BRSK2: variants seen among roughly 807,000 people sequenced by gnomAD.
The protein encoded by BRSK2 is serine/threonine-protein kinase BRSK2.
Under a neutral mutation model 83.3 loss-of-function variants are expected in BRSK2, and 19 were observed. The observed-to-expected ratio is 0.23, with a 90% CI of 0.16 to 0.33. The LOEUF (loss-of-function observed/expected upper bound fraction) is 0.33, where lower values mean the gene tolerates loss of function less well. Ranked by LOEUF, BRSK2 falls within the 10% of genes least tolerant of loss-of-function variation. BRSK2 has a pLI of 1.00. For synonymous variants in BRSK2, 519 were observed against 435.4 expected (o/e 1.19, Z -2.39); for missense variants, 798 against 1,042.3 (o/e 0.77, Z 3.23).
intron 1 of BRSK2, among the ~76,000 whole-genome samples, chr11:1,399,788 G>T (rs968793398): frequency 3.3e-5 from 5 of 152,158 alleles, no homozygotes; most frequent in Admixed American, 3.3e-4. Context: ...CCCCGGTGCC[G>T]TCGGGCCCAG....
At chr11:1,459,758 C>T (rs1303173907) in intron 19 of BRSK2, among the ~76,000 whole-genome samples, 1 of 152,202 alleles carries the variant, frequency 6.6e-6, no homozygotes, top group African/African-American at 2.4e-5. Flanking sequence ...CAGGACTGCC[C>T]CCATCCCAGG....
chr11:1,456,628 A>T lies in BRSK2; in HGVS notation c.1880A>T (p.Glu627Val). The change falls in exon 18 of 20, where the codon GAG (glutamate) becomes GTG (valine). Residue 627 changes from glutamate to valine, a missense_variant. Around this residue, in one of 6 missense-constraint regions of BRSK2, gnomAD observed 455 missense variants for 455.2 expected, o/e 1.00. Transcript: ENST00000528841. ...AGCCGTCGCTTCAAGAGGGTGGTGG[A>T]GACCATCCAGGCCCAGCTGCTGAGC... Reference protein sequence around the residue: ...GPSRRFKRVVETIQAQLLSTH... With the variant: ...GPSRRFKRVVVTIQAQLLSTH... 1 of 1,611,164 alleles carries T rather than the reference A, an allele frequency of 6.2e-7. No homozygotes were observed. Among genetic ancestry groups the T allele is most frequent in the Non-Finnish European group, 8.5e-7 (1 of 1,179,416 alleles).
At chr11:1,459,429 A>T (rs1291209919) in intron 19 of BRSK2, 190 bp downstream of exon 19, 4 of 642,232 alleles carry the variant, frequency 6.2e-6, no homozygotes, top group African/African-American at 1.8e-5. Flanking sequence ...TACCACAGCA[A>T]GCCCAGGCGG....
chr11:1,438,080 GGCCCC>G lies in BRSK2; in HGVS notation c.187-225_187-221del. ...TGCGTCCCCCACAGCTGGCACCAAA[GGCCCC>G]TGCGTCCCCCACAGCTGGCACCAAA... On this transcript the variant is annotated intron_variant, in intron 2 of 19. Transcript: ENST00000528841. The surrounding 1 kb of genome is among the most constrained non-coding windows in gnomAD (Gnocchi z 6.4). 7.2e-6 allele frequency among the ~76,000 whole-genome samples: 1 copy of G among 139,846 alleles called. No homozygotes were observed. Among genetic ancestry groups the G allele is most frequent in the Non-Finnish European group, 1.6e-5 (1 of 63,840 alleles). The allele number at this position is 139,846 out of a possible 152,430, so 91.7% of individuals were successfully genotyped here. A position where few individuals can be genotyped will look rare whatever the true frequency, so the allele number is the denominator to read the frequency against.
In BRSK2 at chr11:1,440,890, C is replaced by T. The variant is rs1851131304; in HGVS notation, c.375C>T (p.Ile125=). ...PKEARKFFRQ[I]ISALDFCHSH... is the part of the protein sequence containing the mutation. ...AGGCTCGGAAGTTCTTCCGGCAGAT[C>T]ATCTCTGCGCTGGACTTCTGCCACA... The change falls in exon 4 of 20, where the codon ATC becomes ATT. Residue 125 remains isoleucine, a synonymous_variant. Coordinates refer to ENST00000528841, the MANE Select transcript of BRSK2 (RefSeq NM_001256627.2). The T allele has an allele frequency of 1.2e-6, 2 of 1,609,474 alleles. No individual in the cohort carries two copies. The highest frequency in any genetic ancestry group is 1.1e-5 in the South Asian group (1 of 90,712).
Position 1,461,525 on chromosome 11 carries a change from G to T in BRSK2, c.*802G>T. ...GCCTTCCCAGCAGGCCAGGCCGCTG[G>T]GCTGGGATCAGTGTTATTTATTTGC... On this transcript the variant is annotated 3_prime_UTR_variant, in exon 20 of 20. Transcript: ENST00000528841. 5.5e-6 allele frequency: 1 copy of T among 183,260 alleles called. No individual in the cohort carries two copies. Among genetic ancestry groups the T allele is most frequent in the Non-Finnish European group, 1.1e-5 (1 of 90,062 alleles). 11.4% of individuals were successfully genotyped at this position (183,260 alleles called of 1,614,324 possible).
Position 1,460,468 on chromosome 11 carries a change from T to C in BRSK2, c.1988-32T>C, listed in dbSNP as rs4963047. ...CCTTTTTTTTCTTTTTTCCTTTTTTTTTTTTTTTTTGTCTCTGTTCTGTGT... is the reference window on the plus strand; with the variant it reads ...CCTTTTTTTTCTTTTTTCCTTTTTTCTTTTTTTTTTGTCTCTGTTCTGTGT... On this transcript the variant is annotated intron_variant, in intron 19 of 19. Transcript: ENST00000528841. The C allele has an allele frequency of 3.0e-4, 380 of 1,247,532 alleles. 1 individual carries two copies. Among genetic ancestry groups the C allele is most frequent in the Non-Finnish European group, 3.4e-4 (336 of 989,242 alleles). 77.3% of individuals were successfully genotyped at this position (1,247,532 alleles called of 1,614,324 possible).
chr11:1,422,028 G>T (rs1322456063), intron 1 of BRSK2, among the ~76,000 whole-genome samples: 1 of 152,144 alleles, frequency 6.6e-6, no homozygotes, highest in Non-Finnish European at 1.5e-5. Flanking sequence ...CTGAGGTTGG[G>T]GTGCCCCACG....
At chr11:1,444,124 C>G (rs1018227307) in intron 8 of BRSK2, among the ~76,000 whole-genome samples, 12 of 152,046 alleles carry the variant, frequency 7.9e-5, no homozygotes, top group African/African-American at 2.9e-4. Flanking sequence ...TAGGTGAGAC[C>G]TGGCTATAAG....
intron 1 of BRSK2, among the ~76,000 whole-genome samples, chr11:1,426,416 C>T (rs910835002): frequency 1.3e-5 from 2 of 152,130 alleles, no homozygotes; most frequent in African/African-American, 4.8e-5. Context: ...CTTGAACTGT[C>T]ACTTTAATCC....
At chr11:1,457,897 C>T (rs1846830925) in intron 18 of BRSK2, among the ~76,000 whole-genome samples, 1 of 152,138 alleles carries the variant, frequency 6.6e-6, no homozygotes, top group Non-Finnish European at 1.5e-5. Context: ...AGGAGTAGCC[C>T]CCTTCTCCTG....
In BRSK2 at chr11:1,441,023, C is replaced by G. The variant is rs1015691868; in HGVS notation, c.413+95C>G. On this transcript the variant is annotated intron_variant, in intron 4 of 19. Coordinates refer to ENST00000528841, the MANE Select transcript of BRSK2 (RefSeq NM_001256627.2). ...CCCTGTGCCCCAAGGACTACACCCC[C>G]TATGGTGCTATTCCGAGGTACACCA... The G allele has an allele frequency of 2.8e-6, 3 of 1,087,446 alleles. No homozygotes were observed. The Admixed American group carries it at 6.5e-5, about 24-fold the overall frequency. 67.4% of individuals were successfully genotyped at this position (1,087,446 alleles called of 1,614,324 possible).
At chr11:1,413,064 G>C (rs536002882) in intron 1 of BRSK2, among the ~76,000 whole-genome samples, 2 of 152,146 alleles carry the variant, frequency 1.3e-5, no homozygotes, top group Non-Finnish European at 2.9e-5. Flanking sequence ...TTCAGAACCC[G>C]CATTCCTGGG....
intron 13 of BRSK2, 90 bp from the exon 14 acceptor site, chr11:1,450,497 C>G: frequency 1.5e-6 from 1 of 647,570 alleles, no homozygotes; most frequent in Non-Finnish European, 2.6e-6. Context: ...CCAGCTGGCA[C>G]CACCCCTGGG....
intron 1 of BRSK2, among the ~76,000 whole-genome samples, chr11:1,400,453 C>G (rs1293651314): frequency 6.6e-6 from 1 of 152,206 alleles, no homozygotes. Flanking sequence ...TTCCATAACC[C>G]CTGACCCTGG....
chr11:1,425,666 C>T lies in BRSK2; in HGVS notation c.92-10374C>T, dbSNP rs555338840. 2.0e-5 allele frequency among the ~76,000 whole-genome samples: 3 copies of T among 152,316 alleles called. No individual in the cohort carries two copies. The East Asian group carries it at 5.8e-4, about 29-fold the overall frequency. On this transcript the variant is annotated intron_variant, in intron 1 of 19. Coordinates refer to ENST00000528841, the MANE Select transcript of BRSK2 (RefSeq NM_001256627.2). ...CGAGGTCAGCAGCCCATCCCGAGCC[C>T]CCCACACCCCCGCTCGTCTCCCACT...
chr11:1,414,664 G>A (rs144592147), intron 1 of BRSK2, among the ~76,000 whole-genome samples: 1,606 of 152,298 alleles, frequency 0.011, 33 homozygotes, highest in African/African-American at 0.033. Context: ...GACGGTTAGC[G>A]CATTCACGGT....
intron 1 of BRSK2, among the ~76,000 whole-genome samples, chr11:1,420,984 G>A (rs1462784526): frequency 6.6e-6 from 1 of 152,188 alleles, no homozygotes; most frequent in African/African-American, 2.4e-5. Context: ...GAGCCTGACT[G>A]GGGCCTCCCA....
intron 1 of BRSK2, among the ~76,000 whole-genome samples, chr11:1,403,932 C>A (rs1472321195): frequency 6.6e-6 from 1 of 152,192 alleles, no homozygotes; most frequent in African/African-American, 2.4e-5. Flanking sequence ...GGTGGCATCA[C>A]GGGAGTTGGG....
Sources: gnomAD v4.1 joint callset for allele counts (sites outside exome capture counted in the v4.1 genomes callset) on GRCh38, gnomAD v4.1.1 for gene constraint, gnomAD v4.1.1 regional missense constraint, Gnocchi (gnomAD v3.1) non-coding constraint, MANE v1.5 for transcripts, NCBI Gene and HGNC (gene_info 2026-07-23, HGNC 2026-07-21) for gene names.